Variants in OSBPL6 observed in about 807,000 individuals in gnomAD.
OSBPL6 encodes oxysterol-binding protein-related protein 6.
In OSBPL6, 49 loss-of-function variants were observed where a neutral mutation model predicts 125.8. The observed-to-expected ratio is 0.39, with a 90% CI of 0.31 to 0.49. The LOEUF (loss-of-function observed/expected upper bound fraction) is 0.49, where lower values mean the gene tolerates loss of function less well. OSBPL6 is among the 20% of genes least tolerant of loss of function. The pLI is 0.88. For synonymous variants in OSBPL6, 394 were observed against 391.8 expected (o/e 1.01, Z -0.07); for missense variants, 986 against 1,135.4 (o/e 0.87, Z 1.89).
rs1445511993 is a variant in OSBPL6, at chr2:178,383,152, T to G, written c.1750T>G (p.Ser584Ala). 1 of 1,614,166 alleles carries G rather than the reference T, an allele frequency of 6.2e-7. No homozygotes were observed. The highest frequency in any genetic ancestry group is 8.5e-7 in the Non-Finnish European group (1 of 1,180,032). ...ILRNNIGKDLSKVSMPVELNE... is the reference protein window; with the variant it reads ...ILRNNIGKDLAKVSMPVELNE... ...GAGGAACAACATTGGTAAAGACCTG[T>G]CTAAAGTCTCTATGCCTGTGGAGCT... The change falls in exon 17 of 25, where the codon TCT (serine) becomes GCT (alanine). Residue 584 changes from serine (S) to alanine (A), a missense_variant. Coordinates refer to ENST00000190611, the MANE Select transcript of OSBPL6 (RefSeq NM_032523.4).
chr2:178,313,718 G>A (rs1162411703), intron 3 of OSBPL6, among the ~76,000 whole-genome samples: 1 of 152,138 alleles, frequency 6.6e-6, no homozygotes, highest in African/African-American at 2.4e-5. Context: ...AATTACATGA[G>A]TATCTAAAAT....
intron 1 of OSBPL6, among the ~76,000 whole-genome samples, chr2:178,223,356 T>A (rs922059750): frequency 1.3e-5 from 2 of 152,232 alleles, no homozygotes; most frequent in Non-Finnish European, 2.9e-5. Context: ...CTGTTTTGGC[T>A]TATTGTTTTG....
intron 1 of OSBPL6, among the ~76,000 whole-genome samples, chr2:178,241,099 G>T (rs1001973397): frequency 6.6e-6 from 1 of 151,748 alleles, no homozygotes; most frequent in Non-Finnish European, 1.5e-5. Context: ...TATCTTAAGT[G>T]TACTAATGCC....
intron 13 of OSBPL6, among the ~76,000 whole-genome samples, chr2:178,367,534 A>G (rs1372458218): frequency 6.6e-6 from 1 of 152,184 alleles, no homozygotes; most frequent in Non-Finnish European, 1.5e-5. Flanking sequence ...TAAAATGTTT[A>G]TGCCAGAGTC....
At chr2:178,313,292 G>A (rs1024643509) in intron 3 of OSBPL6, among the ~76,000 whole-genome samples, 1 of 152,220 alleles carries the variant, frequency 6.6e-6, no homozygotes, top group Non-Finnish European at 1.5e-5. Flanking sequence ...ATTTTCAAAA[G>A]CAAGTCCTGT....
intron 3 of OSBPL6, chr2:178,320,199 A>C: frequency 6.8e-7 from 1 of 1,480,312 alleles, no homozygotes; most frequent in Non-Finnish European, 9.0e-7. Context: ...CTGTTTACCT[A>C]TGTCTTTGAT....
chr2:178,325,114 G>A (rs1574871809), intron 4 of OSBPL6, among the ~76,000 whole-genome samples: 1 of 152,124 alleles, frequency 6.6e-6, no homozygotes, highest in Non-Finnish European at 1.5e-5. Flanking sequence ...AAAAATGATA[G>A]GGAAAAGTTG....
chr2:178,315,843 G>A (rs1687686099), intron 3 of OSBPL6, among the ~76,000 whole-genome samples: 1 of 152,174 alleles, frequency 6.6e-6, no homozygotes, highest in Non-Finnish European at 1.5e-5. Context: ...CACCCCAGGA[G>A]ACTGTTATTC....
chr2:178,287,927 G>A (rs1684862428), intron 2 of OSBPL6, among the ~76,000 whole-genome samples: 2 of 151,610 alleles, frequency 1.3e-5, no homozygotes, highest in South Asian at 2.1e-4. Flanking sequence ...TTGTAGGGAG[G>A]GCTTAGGAGC....
In OSBPL6 at chr2:178,398,615, T is replaced by C. The variant is rs931228719; in HGVS notation, c.*3056T>C. ...ACCTACCCCATAATTTTCAGGCAAT[T>C]GTAAAAATAAACCTTATTTAAGATA... On this transcript the variant is annotated 3_prime_UTR_variant, in exon 25 of 25. Transcript: ENST00000190611. The C allele has an allele frequency of 2.0e-5, 3 of 152,374 alleles. No homozygotes were observed. Among genetic ancestry groups the C allele is most frequent in the Middle Eastern group, 6.8e-3 (2 of 294 alleles). 9.4% of individuals were successfully genotyped at this position (152,374 alleles called of 1,614,324 possible). A position where few individuals can be genotyped will look rare whatever the true frequency, so the allele number is the denominator to read the frequency against.
chr2:178,246,421 C>A (rs2091492927), intron 1 of OSBPL6, among the ~76,000 whole-genome samples: 1 of 152,160 alleles, frequency 6.6e-6, no homozygotes, highest in South Asian at 2.1e-4. Context: ...CAGTGCCCTT[C>A]CTCCACTCCT....
intron 1 of OSBPL6, among the ~76,000 whole-genome samples, chr2:178,208,520 G>A (rs2089660202): frequency 6.6e-6 from 1 of 151,954 alleles, no homozygotes; most frequent in Admixed American, 6.6e-5. Flanking sequence ...ATTTGCTTAT[G>A]TTTTGGTCTT....
chr2:178,223,558 G>A (rs1434235424), intron 1 of OSBPL6, among the ~76,000 whole-genome samples: 2 of 152,210 alleles, frequency 1.3e-5, no homozygotes, highest in Non-Finnish European at 2.9e-5. Flanking sequence ...AAAAGTAAAA[G>A]GATATGGAGT....
intron 12 of OSBPL6, among the ~76,000 whole-genome samples, chr2:178,353,636 G>A (rs952215494): frequency 1.3e-5 from 2 of 152,200 alleles, no homozygotes; most frequent in Non-Finnish European, 2.9e-5. Context: ...TTACCTAAAA[G>A]TGATGGGGTA....
At chr2:178,201,357 G>A (rs2089249851) in intron 1 of OSBPL6, among the ~76,000 whole-genome samples, 1 of 152,016 alleles carries the variant, frequency 6.6e-6, no homozygotes, top group African/African-American at 2.4e-5. Context: ...AGAATATTTT[G>A]TATCAAGAGA....
At chr2:178,243,334 G>A (rs989505374) in intron 1 of OSBPL6, among the ~76,000 whole-genome samples, 3 of 152,116 alleles carry the variant, frequency 2.0e-5, no homozygotes, top group Non-Finnish European at 4.4e-5. Flanking sequence ...ATCCTACCAC[G>A]TACCTGAGGA....
At chr2:178,317,205 A>T (rs914106352) in intron 3 of OSBPL6, among the ~76,000 whole-genome samples, 60 of 151,568 alleles carry the variant, frequency 4.0e-4, no homozygotes, top group South Asian at 1.7e-3. Context: ...ATTAAATATC[A>T]TTATGTATTA....
At chr2:178,322,482 A>T (rs953311318) in intron 3 of OSBPL6, among the ~76,000 whole-genome samples, 9 of 152,196 alleles carry the variant, frequency 5.9e-5, no homozygotes, top group Admixed American at 2.0e-4. Flanking sequence ...TAAGCATCAT[A>T]AGAGTAGTTC....
At chr2:178,229,282 A>C (rs1559139255) in intron 1 of OSBPL6, among the ~76,000 whole-genome samples, 1 of 152,190 alleles carries the variant, frequency 6.6e-6, no homozygotes, top group Non-Finnish European at 1.5e-5. Flanking sequence ...AGGACACACA[A>C]GATAGATTAG....
Sources: allele counts gnomAD v4.1 joint callset (sites outside exome capture counted in the v4.1 genomes callset), GRCh38; gene constraint gnomAD v4.1.1; transcripts MANE v1.5; gene names NCBI Gene and HGNC (gene_info 2026-07-23, HGNC 2026-07-21).